Variants in COL13A1 observed in about 807,000 individuals in gnomAD.
The protein encoded by COL13A1 is collagen alpha-1(XIII) chain.
In COL13A1, 89 loss-of-function variants were observed where a neutral mutation model predicts 130.9. The observed-to-expected ratio is 0.68, with a 90% CI of 0.57 to 0.81. The LOEUF (loss-of-function observed/expected upper bound fraction) is 0.81, where lower values mean the gene tolerates loss of function less well. Among genes scored for constraint, COL13A1 ranks in the 30% least tolerant of loss-of-function variants. The pLI, the probability that COL13A1 is intolerant of heterozygous loss-of-function variation, is 0.00. For missense variants in COL13A1, 879 were observed against 934.6 expected, an observed-to-expected ratio of 0.94 and a Z score of 0.78; for synonymous variants, 402 against 341.6, an observed-to-expected ratio of 1.18 and a Z score of -1.95.
chr10:69,824,103 C>A (rs1166248891), intron 2 of COL13A1: 1 of 472,274 alleles, frequency 2.1e-6, no homozygotes, highest in Non-Finnish European at 4.4e-6. Flanking sequence ...AGTCTTATGA[C>A]CTTCAGAGAG....
At chr10:69,873,106 C>T (rs751125433) in intron 4 of COL13A1, among the ~76,000 whole-genome samples, 10 of 152,144 alleles carry the variant, frequency 6.6e-5, no homozygotes, top group Non-Finnish European at 1.3e-4. Flanking sequence ...GTCAGGGGGC[C>T]GGAATCGGGT....
At chr10:69,895,196 C>T (rs946065323) in intron 12 of COL13A1, among the ~76,000 whole-genome samples, 1 of 152,214 alleles carries the variant, frequency 6.6e-6, no homozygotes, top group Non-Finnish European at 1.5e-5. Context: ...TGCTCCCATC[C>T]GGTGGCTCCT....
chr10:69,936,125 GAAA>G (rs2066843493), intron 32 of COL13A1, among the ~76,000 whole-genome samples: 3 of 92,404 alleles, frequency 3.2e-5, no homozygotes, highest in Non-Finnish European at 6.2e-5. Flanking sequence ...AGGAAGGAAG[GAAA>G]GAAGGAAGGA....
chr10:69,936,700 C>T (rs1048647689), intron 32 of COL13A1, 56 bp from the exon 33 acceptor site: 1 of 1,603,204 alleles, frequency 6.2e-7, no homozygotes, highest in Non-Finnish European at 8.5e-7. Flanking sequence ...GTGGACTAGG[C>T]AGTTGTGTTA....
chr10:69,924,839 C>T, intron 24 of COL13A1, 124 bp from the exon 25 acceptor site: 2 of 920,524 alleles, frequency 2.2e-6, no homozygotes, highest in Non-Finnish European at 3.1e-6. Flanking sequence ...GGGGTGGAAC[C>T]TGCACTTCTA....
At position 69,945,210 on chromosome 10, in the gene COL13A1, C is replaced by G. The variant is rs953344241; in HGVS notation, c.1969-461C>G. ...TCCCCATCCGCCCACCTTGCTGGCTCTGTCTCAGGTGGGGAGGGCAGGAGC... is the reference window on the plus strand; with the variant it reads ...TCCCCATCCGCCCACCTTGCTGGCTGTGTCTCAGGTGGGGAGGGCAGGAGC... On this transcript the variant is annotated intron_variant, in intron 36 of 40. Coordinates refer to ENST00000645393, the MANE Select transcript of COL13A1 (RefSeq NM_001368882.1). Among the ~76,000 whole-genome samples, 7 of 152,380 alleles carry G rather than the reference C, an allele frequency of 4.6e-5. No individual in the cohort carries two copies. In the East Asian group the frequency reaches 7.7e-4, roughly 17 times the overall value.
At chr10:69,939,221 G>A (rs1252353679) in intron 34 of COL13A1, among the ~76,000 whole-genome samples, 3 of 152,172 alleles carry the variant, frequency 2.0e-5, no homozygotes, top group Non-Finnish European at 2.9e-5. Flanking sequence ...ACTAGAGACC[G>A]TGTATCCCTT....
intron 2 of COL13A1, among the ~76,000 whole-genome samples, chr10:69,828,650 C>G (rs3847352): frequency 3.8e-4 from 58 of 152,298 alleles, no homozygotes; most frequent in Middle Eastern, 6.8e-3. Flanking sequence ...GAACTCTTCA[C>G]CCCTCCATGT....
intron 2 of COL13A1, among the ~76,000 whole-genome samples, chr10:69,837,438 G>T (rs963147104): frequency 6.6e-6 from 1 of 152,208 alleles, no homozygotes; most frequent in Admixed American, 6.5e-5. Flanking sequence ...CTGGGCACCT[G>T]GTTCCGGATT....
intron 29 of COL13A1, 122 bp from the exon 30 acceptor site, chr10:69,930,278 T>C: frequency 9.1e-7 from 1 of 1,098,736 alleles, no homozygotes; most frequent in Non-Finnish European, 1.3e-6. Flanking sequence ...CAGGCTGGGC[T>C]GTCTCTGCCT....
Position 69,927,117 on chromosome 10 carries a change from T to C in COL13A1, c.1422+7T>C. ...CCGGACGCTGGCCTTGATGGTAAGT[T>C]TTGCTCCTCCTGGCTTTCCTTGGGC... On this transcript the variant is annotated splice_region_variant and intron_variant, in intron 27 of 40. Coordinates refer to ENST00000645393, the MANE Select transcript of COL13A1 (RefSeq NM_001368882.1). The C allele has an allele frequency of 6.2e-7, 1 of 1,613,228 alleles. No homozygotes were observed. Among genetic ancestry groups the C allele is most frequent in the Admixed American group, 1.7e-5 (1 of 59,880 alleles).
At chr10:69,832,575 T>C (rs1441949861) in intron 2 of COL13A1, among the ~76,000 whole-genome samples, 1 of 152,160 alleles carries the variant, frequency 6.6e-6, no homozygotes, top group African/African-American at 2.4e-5. Flanking sequence ...ACAATCCAGT[T>C]ATTTTGTAGA....
chr10:69,837,033 AC>A (rs1850273989), intron 2 of COL13A1, among the ~76,000 whole-genome samples: 1 of 136,016 alleles, frequency 7.4e-6, no homozygotes, highest in African/African-American at 2.9e-5. Context: ...TGTTCCCGAG[AC>A]CTGCCTGTTT....
chr10:69,896,349 G>A (rs751160786), intron 13 of COL13A1, among the ~76,000 whole-genome samples: 2 of 152,112 alleles, frequency 1.3e-5, no homozygotes, highest in African/African-American at 2.4e-5. Context: ...AGCAAGATAC[G>A]CACAGCTTCC....
intron 2 of COL13A1, among the ~76,000 whole-genome samples, chr10:69,831,351 C>T (rs917182417): frequency 1.3e-5 from 2 of 152,208 alleles, no homozygotes; most frequent in South Asian, 2.1e-4. Flanking sequence ...TGCTCTGAAG[C>T]GCCCTTGCTC....
chr10:69,882,018 C>T lies in COL13A1; in HGVS notation c.513+1465C>T, dbSNP rs984638680. Reference sequence around the variant, plus strand: ...TGTCGCATGTGCTCCTGGGCTCACACGGTGGCTGCCCCGATGGGCTTCAAG... The same window carrying T: ...TGTCGCATGTGCTCCTGGGCTCACATGGTGGCTGCCCCGATGGGCTTCAAG... On this transcript the variant is annotated intron_variant, in intron 7 of 40. Transcript: ENST00000645393. 1.4e-4 allele frequency among the ~76,000 whole-genome samples: 21 copies of T among 152,340 alleles called. 1 individual carries two copies. Among genetic ancestry groups the T allele is most frequent in the Admixed American group, 1.2e-3 (18 of 15,306 alleles).
intron 7 of COL13A1, among the ~76,000 whole-genome samples, chr10:69,883,239 G>A (rs1166696853): frequency 6.6e-6 from 1 of 152,186 alleles, no homozygotes; most frequent in Non-Finnish European, 1.5e-5. Context: ...TCGAGGGGGA[G>A]CCTGGACCTC....
At chr10:69,930,145 G>A in intron 29 of COL13A1, 58 bp downstream of exon 29, 1 of 1,571,560 alleles carries the variant, frequency 6.4e-7, no homozygotes, top group South Asian at 1.1e-5. Context: ...CTGGGGGCAG[G>A]AGGTCGGGCA....
rs780893270 is a variant in COL13A1, at chr10:69,941,042, T to C, written c.1914+19T>C. 4 of 1,613,714 alleles carry C rather than the reference T, an allele frequency of 2.5e-6. No individual in the cohort carries two copies. The East Asian group carries it at 6.7e-5, about 27-fold the overall frequency. Reference sequence around the variant, plus strand: ...GCCACCGGTGAGTGTCACTTCTCCATCACCCCTCACCCCACTCCACTCCAC... The same window carrying C: ...GCCACCGGTGAGTGTCACTTCTCCACCACCCCTCACCCCACTCCACTCCAC... On this transcript the variant is annotated intron_variant, in intron 35 of 40. Transcript: ENST00000645393.
Sources: gnomAD v4.1 joint callset for allele counts (sites outside exome capture counted in the v4.1 genomes callset) on GRCh38, gnomAD v4.1.1 for gene constraint, MANE v1.5 for transcripts, NCBI Gene and HGNC (gene_info 2026-07-23, HGNC 2026-07-21) for gene names.